Variants in WDR37 observed in about 807,000 individuals in gnomAD.
WDR37 encodes WD repeat domain 37, also known as WD repeat-containing protein 37.
WDR37 carries 19 observed loss-of-function variants against 62.9 expected under a neutral mutation model. That is an observed-to-expected ratio of 0.30 (90% CI 0.21 to 0.44). The LOEUF (loss-of-function observed/expected upper bound fraction) is 0.44. WDR37 is among the 20% of genes least tolerant of loss of function. The pLI is 1.00. For missense variants in WDR37, 474 were observed against 657.6 expected (o/e 0.72, Z 3.05); for synonymous variants, 250 against 260.9 (o/e 0.96, Z 0.40).
In WDR37 at chr10:1,066,282, A is replaced by AT. The variant is rs1462852469; in HGVS notation, c.-40-5828dup. Reference sequence around the variant, plus strand: ...AGGTGCCTGCCACCACGCCCTGCTAATTTTTTGTATTTTTTAGTAGAGACG... The same window carrying AT: ...AGGTGCCTGCCACCACGCCCTGCTAATTTTTTTGTATTTTTTAGTAGAGACG... On this transcript the variant is annotated intron_variant, in intron 1 of 13. Coordinates refer to ENST00000263150, the MANE Select transcript of WDR37 (RefSeq NM_014023.4). 5.9e-5 allele frequency among the ~76,000 whole-genome samples: 9 copies of AT among 152,142 alleles called. No homozygotes were observed. The East Asian group carries it at 1.2e-3, about 20-fold the overall frequency.
chr10:1,100,950 G>T (rs925245260), intron 9 of WDR37, among the ~76,000 whole-genome samples: 1 of 152,202 alleles, frequency 6.6e-6, no homozygotes, highest in Non-Finnish European at 1.5e-5. Context: ...TGAACTTGCT[G>T]TCTCTGGGTG....
At chr10:1,084,600 T>TG (rs1834139782) in intron 6 of WDR37, 62 bp downstream of exon 6, 2 of 1,583,804 alleles carry the variant, frequency 1.3e-6, no homozygotes, top group Admixed American at 1.8e-5. Flanking sequence ...CCCTGAGTGA[T>TG]GGACATTCAC....
In WDR37 at chr10:1,060,187, T is replaced by C. The variant is rs1394062046; in HGVS notation, c.-41+3219T>C. On this transcript the variant is annotated intron_variant, in intron 1 of 13. Coordinates refer to ENST00000263150, the MANE Select transcript of WDR37 (RefSeq NM_014023.4). The stretch of plus-strand genomic sequence containing the variant: ...TGAGGAATTCAGCTTGCTAACACAG[T>C]GTGTTTATGGGTTTCATTAATTAGT... Among the ~76,000 whole-genome samples the C allele has an allele frequency of 3.9e-5, 6 of 152,150 alleles. No homozygotes were observed. The South Asian group carries it at 6.2e-4, about 16-fold the overall frequency.
chr10:1,067,517 A>G (rs948643649), intron 1 of WDR37, among the ~76,000 whole-genome samples: 1 of 152,242 alleles, frequency 6.6e-6, no homozygotes, highest in Non-Finnish European at 1.5e-5. Context: ...AGCTTAACCT[A>G]TGTGACATAT....
In WDR37 at chr10:1,131,712, G is replaced by GTGTGTGCA. The variant is rs397937689; in HGVS notation, c.*2368_*2369insTGTGTGCA. ...TGTGTGTGTGTGTGTGTGTGTGTGT[G>GTGTGTGCA]CACGTGTGTGTGGCTAAATTAAGTC... is the stretch of plus-strand genomic sequence containing the variant. On this transcript the variant is annotated 3_prime_UTR_variant, in exon 14 of 14. Coordinates refer to ENST00000263150, the MANE Select transcript of WDR37 (RefSeq NM_014023.4). 2 of 142,540 alleles carry GTGTGTGCA rather than the reference G, an allele frequency of 1.4e-5. No individual in the cohort carries two copies. Among genetic ancestry groups the GTGTGTGCA allele is most frequent in the African/African-American group, 5.0e-5 (2 of 40,064 alleles). 8.8% of individuals were successfully genotyped at this position (142,540 alleles called of 1,614,324 possible).
chr10:1,066,596 A>G (rs993405487), intron 1 of WDR37, among the ~76,000 whole-genome samples: 1 of 152,264 alleles, frequency 6.6e-6, no homozygotes, highest in African/African-American at 2.4e-5. Flanking sequence ...TATGTAAAAG[A>G]TTATTCAAAA....
At chr10:1,066,233 A>G (rs1833537251) in intron 1 of WDR37, among the ~76,000 whole-genome samples, 1 of 152,116 alleles carries the variant, frequency 6.6e-6, no homozygotes, top group Non-Finnish European at 1.5e-5. Flanking sequence ...CTCCTGCCTC[A>G]GCCTCCTGAG....
At chr10:1,059,903 G>A (rs1363629793) in intron 1 of WDR37, among the ~76,000 whole-genome samples, 7 of 152,100 alleles carry the variant, frequency 4.6e-5, no homozygotes, top group Non-Finnish European at 2.9e-5. Context: ...GGAGTGCAGC[G>A]GCATGATCTC....
chr10:1,066,479 G>A (rs542304566), intron 1 of WDR37, among the ~76,000 whole-genome samples: 26 of 152,294 alleles, frequency 1.7e-4, no homozygotes, highest in Admixed American at 1.7e-3. Flanking sequence ...AATAAATACT[G>A]TATTCATAGA....
intron 7 of WDR37, among the ~76,000 whole-genome samples, chr10:1,092,075 G>A (rs1271895502): frequency 1.3e-5 from 2 of 151,400 alleles, no homozygotes; most frequent in Admixed American, 6.6e-5. Context: ...AGCTACTTGG[G>A]AGGCTGAGGC....
intron 11 of WDR37, among the ~76,000 whole-genome samples, chr10:1,106,927 G>C (rs1313142348): frequency 6.6e-6 from 1 of 152,232 alleles, no homozygotes; most frequent in Non-Finnish European, 1.5e-5. Flanking sequence ...CTTTATGGCA[G>C]CCTGGGTCTG....
At chr10:1,080,167 T>G in intron 4 of WDR37, 61 bp downstream of exon 4, 1 of 1,576,418 alleles carries the variant, frequency 6.3e-7, no homozygotes, top group Non-Finnish European at 8.7e-7. Context: ...ATTTGGAATT[T>G]AGTGAAGGAT....
intron 1 of WDR37, among the ~76,000 whole-genome samples, chr10:1,068,277 G>C (rs1833615455): frequency 6.6e-6 from 1 of 151,354 alleles, no homozygotes; most frequent in Non-Finnish European, 1.5e-5. Flanking sequence ...GTCAGGAGAT[G>C]GAGACCATCC....
intron 7 of WDR37, among the ~76,000 whole-genome samples, chr10:1,091,610 T>G (rs1479209659): frequency 1.3e-5 from 2 of 152,182 alleles, no homozygotes; most frequent in Non-Finnish European, 2.9e-5. Context: ...AGGGTTGGTG[T>G]CCCCAGAGTG....
At chr10:1,098,684 C>T (rs1360194062) in intron 9 of WDR37, among the ~76,000 whole-genome samples, 1 of 152,174 alleles carries the variant, frequency 6.6e-6, no homozygotes, top group African/African-American at 2.4e-5. Context: ...GGCGGTGCCA[C>T]ACACCGGAAG....
chr10:1,077,502 A>T (rs530702619), intron 2 of WDR37, among the ~76,000 whole-genome samples: 1 of 152,142 alleles, frequency 6.6e-6, no homozygotes, highest in Non-Finnish European at 1.5e-5. Flanking sequence ...TGCCTCTTCC[A>T]TGAGGGTCTA....
In WDR37 at chr10:1,103,093, G is replaced by A. The variant is rs1834880727; in HGVS notation, c.727-509G>A. Among the ~76,000 whole-genome samples the A allele has an allele frequency of 6.6e-6, 1 of 152,142 alleles. No homozygotes were observed. The highest frequency in any genetic ancestry group is 2.1e-4 in the South Asian group (1 of 4,830). ...AGCTGGCTGTAATGTGTTTGTTTTA[G>A]CCTTGGCCTTTGACAGGGGGCTTGA... On this transcript the variant is annotated intron_variant, in intron 9 of 13. Coordinates refer to ENST00000263150, the MANE Select transcript of WDR37 (RefSeq NM_014023.4). This position sits in a 1 kb window ranked among gnomAD's most constrained non-coding sequence, Gnocchi z 6.3.
intron 11 of WDR37, among the ~76,000 whole-genome samples, chr10:1,114,497 TCTTA>T (rs1022650949): frequency 2.0e-5 from 3 of 152,238 alleles, no homozygotes; most frequent in Admixed American, 6.5e-5. Flanking sequence ...GTAAAATTTA[TCTTA>T]CTTAAGAAAT....
intron 1 of WDR37, among the ~76,000 whole-genome samples, chr10:1,069,727 G>A (rs945527729): frequency 6.6e-6 from 1 of 151,862 alleles, no homozygotes; most frequent in South Asian, 2.1e-4. Context: ...TGAACATGTG[G>A]CACCTAAAGG....
Sources: allele counts gnomAD v4.1 joint callset (sites outside exome capture counted in the v4.1 genomes callset), GRCh38; gene constraint gnomAD v4.1.1; non-coding constraint Gnocchi (gnomAD v3.1); transcripts MANE v1.5; gene names NCBI Gene and HGNC (gene_info 2026-07-23, HGNC 2026-07-21).